NXPH2: variants seen among roughly 807,000 people sequenced by gnomAD.
NXPH2 encodes neurexophilin-2.
NXPH2 carries 5 observed loss-of-function variants against 19.8 expected under a neutral mutation model. The observed-to-expected ratio is 0.25, with a 90% CI of 0.13 to 0.53. NXPH2 has a LOEUF of 0.53. NXPH2 is among the 20% of genes least tolerant of loss of function. The probability of loss-of-function intolerance (pLI) is 0.96; values close to 1 mark genes in which losing one functional copy is unlikely to be tolerated. For missense variants in NXPH2, 289 were observed against 322.8 expected, an observed-to-expected ratio of 0.90 and a Z score of 0.80; for synonymous variants, 154 against 127.4, an observed-to-expected ratio of 1.21 and a Z score of -1.41.
intron 1 of NXPH2, among the ~76,000 whole-genome samples, chr2:138,756,946 G>A (rs950946053): frequency 6.6e-6 from 1 of 152,142 alleles, no homozygotes; most frequent in Non-Finnish European, 1.5e-5. Flanking sequence ...CTTACTCTAA[G>A]CAAAGTAACA....
At chr2:138,775,451 T>C (rs1352920303) in intron 1 of NXPH2, among the ~76,000 whole-genome samples, 1 of 152,120 alleles carries the variant, frequency 6.6e-6, no homozygotes, top group East Asian at 1.9e-4. Flanking sequence ...AGAATAGAGT[T>C]GTCATCAATA....
At chr2:138,759,350 C>T (rs894133114) in intron 1 of NXPH2, among the ~76,000 whole-genome samples, 1 of 151,250 alleles carries the variant, frequency 6.6e-6, no homozygotes, top group Non-Finnish European at 1.5e-5. Context: ...GTCCACAATG[C>T]CCTCTGTGCC....
At chr2:138,739,953 T>C (rs1171894407) in intron 1 of NXPH2, among the ~76,000 whole-genome samples, 1 of 152,172 alleles carries the variant, frequency 6.6e-6, no homozygotes, top group Non-Finnish European at 1.5e-5. Context: ...TTTGGATATA[T>C]AGACTTTGAA....
At chr2:138,759,542 C>G (rs1437118450) in intron 1 of NXPH2, among the ~76,000 whole-genome samples, 1 of 151,606 alleles carries the variant, frequency 6.6e-6, no homozygotes, top group Admixed American at 6.6e-5. Context: ...AGAAAGATTG[C>G]CAGCCCACTT....
intron 1 of NXPH2, among the ~76,000 whole-genome samples, chr2:138,733,477 C>G (rs1378365172): frequency 6.6e-6 from 1 of 152,094 alleles, no homozygotes; most frequent in East Asian, 1.9e-4. Flanking sequence ...TTTCAGGTAA[C>G]ATAACAAAGA....
intron 1 of NXPH2, among the ~76,000 whole-genome samples, chr2:138,673,229 T>C (rs1680437824): frequency 6.6e-6 from 1 of 152,190 alleles, no homozygotes; most frequent in Non-Finnish European, 1.5e-5. Context: ...TAGGGGCTTA[T>C]ACACCCTGAA....
intron 1 of NXPH2, among the ~76,000 whole-genome samples, chr2:138,702,220 G>A (rs974296939): frequency 6.6e-6 from 1 of 152,072 alleles, no homozygotes; most frequent in African/African-American, 2.4e-5. Context: ...GGGTGCAAAT[G>A]TTCCTCCTGC....
chr2:138,731,609 C>T (rs1309566716), intron 1 of NXPH2, among the ~76,000 whole-genome samples: 1 of 152,110 alleles, frequency 6.6e-6, no homozygotes, highest in Non-Finnish European at 1.5e-5. Flanking sequence ...AAATACCATG[C>T]TGAGCTTTAA....
intron 1 of NXPH2, 34 bp from the exon 2 acceptor site, chr2:138,671,699 G>C: frequency 2.6e-6 from 4 of 1,514,696 alleles, no homozygotes; most frequent in Non-Finnish European, 1.8e-6. Flanking sequence ...ATAAACTTTA[G>C]GTTAGTGCCG....
In NXPH2 at chr2:138,670,846, A is replaced by T; in HGVS notation, c.*76T>A. 1 of 1,464,482 alleles carries T rather than the reference A, an allele frequency of 6.8e-7. No homozygotes were observed. The highest frequency in any genetic ancestry group is 9.2e-7 in the Non-Finnish European group (1 of 1,089,140). 90.7% of individuals were successfully genotyped at this position (1,464,482 alleles called of 1,614,324 possible). ...CCAGAAACAAAAGGGATCCTTTATC[A>T]TAAAGAGCTGGGCTTGTTTCTTTGT... On this transcript the variant is annotated 3_prime_UTR_variant, in exon 2 of 2. Coordinates refer to ENST00000272641, the MANE Select transcript of NXPH2 (RefSeq NM_007226.3).
chr2:138,703,555 A>G (rs1482727278), intron 1 of NXPH2, among the ~76,000 whole-genome samples: 2 of 152,204 alleles, frequency 1.3e-5, no homozygotes, highest in Non-Finnish European at 2.9e-5. Context: ...AGAGGTTCGC[A>G]TATTACTAAA....
intron 1 of NXPH2, among the ~76,000 whole-genome samples, chr2:138,709,884 A>T (rs570074067): frequency 1.3e-4 from 20 of 152,230 alleles, no homozygotes; most frequent in African/African-American, 3.6e-4. Flanking sequence ...CATTGCCTGG[A>T]TTTACCACAA....
At chr2:138,756,802 A>C (rs1409390805) in intron 1 of NXPH2, among the ~76,000 whole-genome samples, 2 of 152,190 alleles carry the variant, frequency 1.3e-5, no homozygotes, top group Admixed American at 6.5e-5. Context: ...GCCACTAGTT[A>C]GGCTGGCAAA....
chr2:138,778,828 A>C (rs895574289), intron 1 of NXPH2, among the ~76,000 whole-genome samples: 4 of 152,250 alleles, frequency 2.6e-5, no homozygotes, highest in Non-Finnish European at 5.9e-5. Context: ...AGTATTGTAG[A>C]TAGCCAGTAT....
intron 1 of NXPH2, among the ~76,000 whole-genome samples, chr2:138,714,609 C>T (rs888954811): frequency 2.0e-5 from 3 of 152,074 alleles, no homozygotes; most frequent in Non-Finnish European, 2.9e-5. Flanking sequence ...AAATAACACA[C>T]ACTTCTATTA....
intron 1 of NXPH2, among the ~76,000 whole-genome samples, chr2:138,747,168 T>A (rs867438982): frequency 6.6e-6 from 1 of 152,204 alleles, no homozygotes; most frequent in African/African-American, 2.4e-5. Flanking sequence ...TGAATATTCA[T>A]GCACGTTTAT....
At position 138,732,284 on chromosome 2, in the gene NXPH2, A is replaced by T. The variant is rs561924791; in HGVS notation, c.51+47907T>A. 4.6e-5 allele frequency among the ~76,000 whole-genome samples: 7 copies of T among 152,296 alleles called. No individual in the cohort carries two copies. In the South Asian group the frequency reaches 1.5e-3, roughly 32 times the overall value. ...TGAATCCAGTAGAGAAAACTGGCCT[A>T]TGGAAAGTCATAGAGAAGAGGAGAA... On this transcript the variant is annotated intron_variant, in intron 1 of 1. Coordinates refer to ENST00000272641, the MANE Select transcript of NXPH2 (RefSeq NM_007226.3).
At chr2:138,715,350 G>A (rs1294126381) in intron 1 of NXPH2, among the ~76,000 whole-genome samples, 2 of 152,114 alleles carry the variant, frequency 1.3e-5, no homozygotes, top group African/African-American at 2.4e-5. Flanking sequence ...CCTTGGCTGC[G>A]ACTTATAATT....
chr2:138,764,239 C>G (rs1682059326), intron 1 of NXPH2, among the ~76,000 whole-genome samples: 1 of 152,114 alleles, frequency 6.6e-6, no homozygotes, highest in Non-Finnish European at 1.5e-5. Context: ...GGCTTATATT[C>G]CACCCTCCAA....
Sources: gnomAD v4.1 joint callset for allele counts (sites outside exome capture counted in the v4.1 genomes callset) on GRCh38, gnomAD v4.1.1 for gene constraint, MANE v1.5 for transcripts, NCBI Gene and HGNC (gene_info 2026-07-23, HGNC 2026-07-21) for gene names.